Variants in PCGF6 observed in about 807,000 individuals in gnomAD.
PCGF6 encodes polycomb group ring finger 6.
PCGF6 carries 24 observed loss-of-function variants against 45.5 expected under a neutral mutation model. The ratio of observed to expected loss-of-function variants is 0.53; its 90% confidence interval spans 0.38 to 0.74. The LOEUF (loss-of-function observed/expected upper bound fraction) is 0.74. PCGF6 is among the 30% of genes least tolerant of loss of function. The probability of loss-of-function intolerance (pLI) is 0.00; values close to 1 mark genes in which losing one functional copy is unlikely to be tolerated. For synonymous variants in PCGF6, 152 were observed against 162.1 expected (o/e 0.94, Z 0.47); for missense variants, 356 against 443.2 (o/e 0.80, Z 1.77).
chr10:103,341,713 G>A (rs370614848), intron 6 of PCGF6, among the ~76,000 whole-genome samples: 2 of 151,902 alleles, frequency 1.3e-5, no homozygotes, highest in East Asian at 3.9e-4. Context: ...CAGAATGCTG[G>A]GATTACAGGC....
Position 103,350,706 on chromosome 10 carries a change from C to T in PCGF6, c.360+1G>A. On this transcript the variant is annotated splice_donor_variant, in intron 1 of 9. Transcript: ENST00000369847. LOFTEE classifies it high-confidence loss of function. ...CGGGGTCGCGCGGGGGCTCTAAATA[C>T]CTCCTCCTCGTCCTCCGAGTCCTGC... 8 of 1,510,466 alleles carry T rather than the reference C, an allele frequency of 5.3e-6. No individual in the cohort carries two copies. Among genetic ancestry groups the T allele is most frequent in the Non-Finnish European group, 7.1e-6 (8 of 1,126,410 alleles). The allele number at this position is 1,510,466 out of a possible 1,614,324, so 93.6% of individuals were successfully genotyped here.
Position 103,344,759 on chromosome 10 carries a change from G to A in PCGF6, c.782+265C>T, listed in dbSNP as rs1244284085. ...TTTTTTTTGTAATTTTAGTAGAGACGGGGTTTCGCCATGTTAGCCAGGCTG... is the reference window on the plus strand; with the variant it reads ...TTTTTTTTGTAATTTTAGTAGAGACAGGGTTTCGCCATGTTAGCCAGGCTG... On this transcript the variant is annotated intron_variant, in intron 6 of 9. Transcript: ENST00000369847. Among the ~76,000 whole-genome samples, 6 of 150,672 alleles carry A rather than the reference G, an allele frequency of 4.0e-5. No individual in the cohort carries two copies. The East Asian group carries it at 9.7e-4, about 24-fold the overall frequency.
At chr10:103,335,669 T>C (rs2093254215) in intron 6 of PCGF6, among the ~76,000 whole-genome samples, 1 of 151,242 alleles carries the variant, frequency 6.6e-6, no homozygotes, top group Non-Finnish European at 1.5e-5. Context: ...CAAAGTACTC[T>C]TTGTAAGAAA....
intron 9 of PCGF6, among the ~76,000 whole-genome samples, chr10:103,311,159 T>C (rs1380406289): frequency 6.6e-6 from 1 of 152,176 alleles, no homozygotes; most frequent in Non-Finnish European, 1.5e-5. Flanking sequence ...CTTTTCTTTT[T>C]GAAACCGAGT....
chr10:103,345,182 A>C (rs1474210549), intron 5 of PCGF6, 50 bp from the exon 6 acceptor site: 13 of 1,322,904 alleles, frequency 9.8e-6, no homozygotes, highest in Non-Finnish European at 1.3e-5. Flanking sequence ...AATGCCATAA[A>C]TTGAGATCTT....
Position 103,350,976 on chromosome 10 carries a change from G to A in PCGF6, c.91C>T (p.Pro31Ser). The change falls in exon 1 of 10, where the codon CCG becomes TCG. Residue 31 changes from proline (P) to serine (S), a missense_variant. Coordinates refer to ENST00000369847, the MANE Select transcript of PCGF6 (RefSeq NM_001011663.2). ...GCGGGTGCAGGGGTGAGGGCGGGCG[G>A]GGAGACAGGAGGCGGAGGCGGCAAG... ...AALPPPPPVS[P>S]PALTPAPAAG... 1 of 1,266,614 alleles carries A rather than the reference G, an allele frequency of 7.9e-7. No homozygotes were observed. Among genetic ancestry groups the A allele is most frequent in the Non-Finnish European group, 1.0e-6 (1 of 962,210 alleles). 78.5% of individuals were successfully genotyped at this position (1,266,614 alleles called of 1,614,324 possible).
chr10:103,335,367 T>C (rs1349034336), intron 6 of PCGF6, among the ~76,000 whole-genome samples: 1 of 141,720 alleles, frequency 7.1e-6, no homozygotes, highest in Non-Finnish European at 1.6e-5. Flanking sequence ...AAAGCACTCA[T>C]TTTTTTTTTT....
At chr10:103,345,195 G>T in intron 5 of PCGF6, 63 bp from the exon 6 acceptor site, 1 of 1,122,404 alleles carries the variant, frequency 8.9e-7, no homozygotes. Context: ...GAGATCTTTG[G>T]AAAAATACAC....
Position 103,333,917 on chromosome 10 carries a change from TA to T in PCGF6, c.810+7del. The T allele has an allele frequency of 6.4e-7, 1 of 1,556,934 alleles. No individual in the cohort carries two copies. Among genetic ancestry groups the T allele is most frequent in the Non-Finnish European group, 8.6e-7 (1 of 1,156,226 alleles). Reference sequence around the variant, plus strand: ...CTTGTGAAATGAATGAAAAAAAAAGTAAAATACCTTAAAATGTCCCGTGCCT... The same window carrying T: ...CTTGTGAAATGAATGAAAAAAAAAGTAAATACCTTAAAATGTCCCGTGCCT... On this transcript the variant is annotated splice_region_variant and intron_variant, in intron 7 of 9. Transcript: ENST00000369847.
chr10:103,319,567 A>T (rs1230255627), intron 8 of PCGF6, among the ~76,000 whole-genome samples: 1 of 152,076 alleles, frequency 6.6e-6, no homozygotes, highest in Non-Finnish European at 1.5e-5. Context: ...CCACTGTTGC[A>T]TTCATTACAT....
At chr10:103,340,505 G>A (rs540952303) in intron 6 of PCGF6, among the ~76,000 whole-genome samples, 10 of 152,092 alleles carry the variant, frequency 6.6e-5, no homozygotes, top group South Asian at 2.1e-4. Flanking sequence ...GTTTACCATC[G>A]TTGTATTACA....
intron 8 of PCGF6, among the ~76,000 whole-genome samples, chr10:103,316,011 T>TAGAGAG (rs1405037542): frequency 5.2e-4 from 68 of 129,820 alleles, no homozygotes; most frequent in South Asian, 9.9e-4. Context: ...TATATATATA[T>TAGAGAG]ATAGAGAGAG....
chr10:103,348,991 A>G lies in PCGF6; in HGVS notation c.369T>C (p.Ile123=), dbSNP rs1290259976. ...TGTATGGGGTCAGCTCAGAGAGATT[A>G]ATCAGGCGCTGCAAATAAACGGAAA... The part of the protein sequence containing the change: ...QDSEDEEERL[I]NLSELTPYIL... The change falls in exon 2 of 10, where the codon ATT becomes ATC. Residue 123 remains isoleucine (I), a synonymous_variant. Transcript: ENST00000369847. 1.2e-6 allele frequency: 2 copies of G among 1,610,186 alleles called. No homozygotes were observed. The highest frequency in any genetic ancestry group is 3.4e-5 in the Admixed American group (2 of 59,054).
intron 9 of PCGF6, among the ~76,000 whole-genome samples, chr10:103,308,111 G>A (rs143378454): frequency 1.8e-4 from 27 of 152,182 alleles, no homozygotes; most frequent in Middle Eastern, 3.4e-3. Flanking sequence ...AGGGCAGTGC[G>A]GAGGGGAAAA....
At chr10:103,322,032 A>C (rs1198926522) in intron 8 of PCGF6, among the ~76,000 whole-genome samples, 1 of 151,532 alleles carries the variant, frequency 6.6e-6, no homozygotes, top group African/African-American at 2.4e-5. Context: ...AGTAGCTGGG[A>C]CTATAGGCAT....
At chr10:103,339,737 C>G (rs1475601056) in intron 6 of PCGF6, among the ~76,000 whole-genome samples, 1 of 149,616 alleles carries the variant, frequency 6.7e-6, no homozygotes, top group Non-Finnish European at 1.5e-5. Context: ...ACTGAGGTTG[C>G]AGTAAGCCAA....
intron 8 of PCGF6, among the ~76,000 whole-genome samples, chr10:103,323,851 C>T (rs1383243976): frequency 1.3e-5 from 2 of 152,054 alleles, no homozygotes; most frequent in African/African-American, 4.8e-5. Flanking sequence ...TCCCAAAGTG[C>T]TGGGATTACA....
rs1564737554 is a variant in PCGF6 at position 103,350,782 on chromosome 10, C to T, written c.285G>A (p.Glu95=). Residue 95 remains glutamate (E), a synonymous_variant, in exon 1 of 10, where the codon GAG becomes GAA. Coordinates refer to ENST00000369847, the MANE Select transcript of PCGF6 (RefSeq NM_001011663.2). ...AGTGACTCATGTCCTCCTCCTCCTC[C>T]TCTTCTTCCTCCTCCAGCTCCTCTT... The part of the protein sequence containing the change: ...EEEEELEEEE[E]EEEEDMSHFS... 30 of 1,550,370 alleles carry T rather than the reference C, an allele frequency of 1.9e-5. No homozygotes were observed. The highest frequency in any genetic ancestry group is 1.2e-4 in the Admixed American group (6 of 50,914).
chr10:103,334,583 T>C (rs1435426619), intron 6 of PCGF6, among the ~76,000 whole-genome samples: 1 of 152,194 alleles, frequency 6.6e-6, no homozygotes, highest in Admixed American at 6.6e-5. Flanking sequence ...CTCTCTATAG[T>C]AACATTTACA....
Sources: allele counts gnomAD v4.1 joint callset (sites outside exome capture counted in the v4.1 genomes callset), GRCh38; gene constraint gnomAD v4.1.1; transcripts MANE v1.5; gene names NCBI Gene and HGNC (gene_info 2026-07-23, HGNC 2026-07-21).